SLC12A5: variants seen among roughly 807,000 people sequenced by gnomAD.
The protein encoded by SLC12A5 is K-Cl cotransporter 2.
In SLC12A5, 18 loss-of-function variants were observed where a neutral mutation model predicts 124.0. The observed-to-expected ratio is 0.15, with a 90% CI of 0.10 to 0.22. The LOEUF is 0.22. Among genes scored for constraint, SLC12A5 ranks in the 10% least tolerant of loss-of-function variants. SLC12A5 has a pLI of 1.00. For missense variants in SLC12A5, 867 were observed against 1,478.7 expected, an observed-to-expected ratio of 0.59 and a Z score of 6.78; for synonymous variants, 589 against 568.0, an observed-to-expected ratio of 1.04 and a Z score of -0.53.
chr20:46,023,094 C>T (rs2084369998), intron 2 of SLC12A5: 3 of 399,624 alleles, frequency 7.5e-6, no homozygotes. Context: ...CGAAGCAAAC[C>T]CAAGCGCCGA....
chr20:46,029,122 G>T (rs1033556640), upstream of SLC12A5: 1 of 1,359,262 alleles, frequency 7.4e-7, no homozygotes, highest in Non-Finnish European at 9.4e-7. Flanking sequence ...TCCTGCATAC[G>T]GGATGAGGTG....
rs551627835 is a variant in SLC12A5, at chr20:46,040,786, G to A, written c.854+172G>A. The A allele has an allele frequency of 1.8e-5, 19 of 1,054,384 alleles. No individual in the cohort carries two copies. The Admixed American group carries it at 2.1e-4, about 11-fold the overall frequency. The allele number at this position is 1,054,384 out of a possible 1,614,324, so 65.3% of individuals were successfully genotyped here. ...TCTTAGTTTGGGGGCAATCTCTTCA[G>A]AGTGAGGTAACTTTTCTGGAGGAGG... On this transcript the variant is annotated intron_variant, in intron 7 of 25. Coordinates refer to ENST00000243964, the MANE Select transcript of SLC12A5 (RefSeq NM_020708.5).
upstream of SLC12A5, chr20:46,021,821 C>A (rs747293767): frequency 6.5e-7 from 1 of 1,534,672 alleles, no homozygotes; most frequent in African/African-American, 1.4e-5. Context: ...GCCAGAAGCC[C>A]TGACCCAGAG....
chr20:46,022,556 G>C, intron 1 of SLC12A5, among the ~76,000 whole-genome samples: 1 of 152,056 alleles, frequency 6.6e-6, no homozygotes, highest in Non-Finnish European at 1.5e-5. Context: ...GGGGATCCCG[G>C]GAAGGAGACG....
chr20:46,036,931 C>A, intron 5 of SLC12A5, 136 bp downstream of exon 5: 1 of 1,178,650 alleles, frequency 8.5e-7, no homozygotes, highest in Non-Finnish European at 1.2e-6. Flanking sequence ...TGTTTTCAGC[C>A]CTATTGGGGG....
chr20:46,049,364 A>G (rs912320859), intron 16 of SLC12A5, among the ~76,000 whole-genome samples: 8 of 152,246 alleles, frequency 5.3e-5, no homozygotes, highest in Non-Finnish European at 1.2e-4. Flanking sequence ...TAATGCATGT[A>G]TCAGTAAAGA....
intron 16 of SLC12A5, 100 bp from the exon 17 acceptor site, chr20:46,049,522 T>C: frequency 7.0e-7 from 1 of 1,432,794 alleles, no homozygotes; most frequent in South Asian, 1.3e-5. Flanking sequence ...GGACAGATGG[T>C]TATAGAGGAG....
In SLC12A5 at chr20:46,045,899, A is replaced by T; in HGVS notation, c.1591A>T (p.Asn531Tyr). The T allele has an allele frequency of 6.2e-7, 1 of 1,614,166 alleles. No homozygotes were observed. Residue 531 changes from asparagine to tyrosine, a missense_variant, in exon 13 of 26, where the codon AAT (asparagine) becomes TAT (tyrosine). Physicochemically the swap from Asn to Tyr is moderately radical, Grantham distance 143. Transcript: ENST00000243964. The surrounding 1 kb of genome is among the most constrained non-coding windows in gnomAD (Gnocchi z 4.9). ...FLQVFGHGKA[N>Y]GEPTWALLLT... is the part of the protein sequence containing the mutation. Reference sequence around the variant, plus strand: ...CCAGGTCTTTGGCCATGGCAAGGCCAATGGAGAGCCGACCTGGGCCCTGCT... The same window carrying T: ...CCAGGTCTTTGGCCATGGCAAGGCCTATGGAGAGCCGACCTGGGCCCTGCT...
Position 46,056,257 on chromosome 20 carries a change from G to A in SLC12A5, c.2895G>A (p.Glu965=). ...VPEETAGDSE[E]KPEEEVQLIH... ...AAGAGACGGCTGGTGACAGTGAAGA[G>A]AAGCCAGAGGAGGAGGTGTGCAGCT... The change falls in exon 22 of 26, where the codon GAG becomes GAA. Residue 965 remains glutamate (E), a synonymous_variant. Coordinates refer to ENST00000243964, the MANE Select transcript of SLC12A5 (RefSeq NM_020708.5). This position sits in a 1 kb window ranked among gnomAD's most constrained non-coding sequence, Gnocchi z 4.3. 1 of 1,614,204 alleles carries A rather than the reference G, an allele frequency of 6.2e-7. No homozygotes were observed. Among genetic ancestry groups the A allele is most frequent in the Non-Finnish European group, 8.5e-7 (1 of 1,180,016 alleles).
chr20:46,053,600 G>A lies in SLC12A5; in HGVS notation c.2570G>A (p.Arg857His), dbSNP rs750336750. Residue 857 changes from arginine to histidine, a missense_variant, in exon 20 of 26, where the codon CGT (arginine) becomes CAT (histidine). Physicochemically the swap from Arg to His is conservative, Grantham distance 29. Around this residue, in one of 9 missense-constraint regions of SLC12A5, gnomAD observed 70 missense variants for 157.2 expected, o/e 0.45. Coordinates refer to ENST00000243964, the MANE Select transcript of SLC12A5 (RefSeq NM_020708.5). This position sits in a 1 kb window ranked among gnomAD's most constrained non-coding sequence, Gnocchi z 4.7. ...CAGGTCTGGCGGAAGTGCAAGATGC[G>A]TATCTTCACTGTGGCCCAGATGGAT... ...HHKVWRKCKM[R>H]IFTVAQMDDN... The A allele has an allele frequency of 4.3e-6, 7 of 1,613,832 alleles. No individual in the cohort carries two copies. The highest frequency in any genetic ancestry group is 1.7e-5 in the Admixed American group (1 of 60,002).
At chr20:46,026,997 G>C (rs754390116), upstream of SLC12A5, among the ~76,000 whole-genome samples, 4 of 152,198 alleles carry the variant, frequency 2.6e-5, no homozygotes, top group Non-Finnish European at 5.9e-5. Context: ...TAGGATTACT[G>C]AAAAACCTTA....
In SLC12A5 at chr20:46,053,835, C is replaced by A; in HGVS notation, c.2679+126C>A. The A allele has an allele frequency of 9.1e-7, 1 of 1,103,004 alleles. No homozygotes were observed. The allele number at this position is 1,103,004 out of a possible 1,614,324, so 68.3% of individuals were successfully genotyped here. Reference sequence around the variant, plus strand: ...TGGATCCTTTCCCCCTCATCCATCTCTTAGCCTCTCACATATTCAGCCATC... The same window carrying A: ...TGGATCCTTTCCCCCTCATCCATCTATTAGCCTCTCACATATTCAGCCATC... On this transcript the variant is annotated intron_variant, in intron 20 of 25. Transcript: ENST00000243964. This position sits in a 1 kb window ranked among gnomAD's most constrained non-coding sequence, Gnocchi z 4.7.
Position 46,056,418 on chromosome 20 carries a change from C to A in SLC12A5, c.2964C>A (p.Ser988=). The A allele has an allele frequency of 6.2e-7, 1 of 1,613,786 alleles. No individual in the cohort carries two copies. Among genetic ancestry groups the A allele is most frequent in the Non-Finnish European group, 8.5e-7 (1 of 1,179,822 alleles). ...CCAGCTGCCCCAGCAGCTCCCCGTCCCCAGGGGAGGAGCCTGAGGGGGAAG... is the reference window on the plus strand; with the variant it reads ...CCAGCTGCCCCAGCAGCTCCCCGTCACCAGGGGAGGAGCCTGAGGGGGAAG... The part of the protein sequence containing the change: ...SAPSCPSSSP[S]PGEEPEGEGE... Residue 988 remains serine, a synonymous_variant, in exon 23 of 26, where the codon TCC becomes TCA. Coordinates refer to ENST00000243964, the MANE Select transcript of SLC12A5 (RefSeq NM_020708.5). This position sits in a 1 kb window ranked among gnomAD's most constrained non-coding sequence, Gnocchi z 4.3.
In SLC12A5 at chr20:46,041,163, G is replaced by GAAA. The variant is rs11460894; in HGVS notation, c.855-154_855-152dup. On this transcript the variant is annotated intron_variant, in intron 7 of 25. Coordinates refer to ENST00000243964, the MANE Select transcript of SLC12A5 (RefSeq NM_020708.5). ...TATTAGAATCACTTGGGGAGCTTAAGAAAAAAAAAAAAAAGCCAATGGCCA... is the reference window on the plus strand; with the variant it reads ...TATTAGAATCACTTGGGGAGCTTAAGAAAAAAAAAAAAAAAAAGCCAATGGCCA... 5.7e-3 allele frequency: 2,843 copies of GAAA among 501,272 alleles called. 1 individual carries two copies. Among genetic ancestry groups the GAAA allele is most frequent in the Admixed American group, 0.012 (336 of 28,924 alleles). The allele number at this position is 501,272 out of a possible 1,614,324, so 31.1% of individuals were successfully genotyped here.
In SLC12A5 at chr20:46,057,983, G is replaced by A. The variant is rs2084712565; in HGVS notation, c.*378G>A. 1 of 191,486 alleles carries A rather than the reference G, an allele frequency of 5.2e-6. No homozygotes were observed. The highest frequency in any genetic ancestry group is 1.0e-5 in the Non-Finnish European group (1 of 95,246). The allele number at this position is 191,486 out of a possible 1,614,324, so 11.9% of individuals were successfully genotyped here. On this transcript the variant is annotated 3_prime_UTR_variant, in exon 26 of 26. Coordinates refer to ENST00000243964, the MANE Select transcript of SLC12A5 (RefSeq NM_020708.5). This position sits in a 1 kb window ranked among gnomAD's most constrained non-coding sequence, Gnocchi z 7.1. The stretch of plus-strand genomic sequence containing the variant: ...TTCCTCCCCTTCCCACTCCCGCCGC[G>A]GTCCTCGCTCTGCGCTCCTCCGGCG...
chr20:46,043,369 G>A (rs746881478), intron 9 of SLC12A5, 46 bp downstream of exon 9: 26 of 1,587,886 alleles, frequency 1.6e-5, no homozygotes, highest in Non-Finnish European at 2.2e-5. Flanking sequence ...TGAGTGGATG[G>A]GGAAGAGAGA....
At chr20:46,035,156 T>A in intron 2 of SLC12A5, 114 bp downstream of exon 2, 1 of 1,148,650 alleles carries the variant, frequency 8.7e-7, no homozygotes, top group South Asian at 1.4e-5. Flanking sequence ...CTCCCTTGAG[T>A]CTACCTTCTT....
Position 46,047,585 on chromosome 20 carries a change from G to C in SLC12A5, c.1907+12G>C. The stretch of plus-strand genomic sequence containing the variant: ...ATTGAGTACCGTGGGTGAGTGTGGG[G>C]AGTGGAGGTTGGGGTGGCTGGGGAA... On this transcript the variant is annotated intron_variant, in intron 15 of 25. Transcript: ENST00000243964. The C allele has an allele frequency of 6.2e-7, 1 of 1,611,816 alleles. No individual in the cohort carries two copies. The highest frequency in any genetic ancestry group is 8.5e-7 in the Non-Finnish European group (1 of 1,178,338).
chr20:46,050,851 C>G (rs895451276), intron 17 of SLC12A5, among the ~76,000 whole-genome samples: 1 of 152,186 alleles, frequency 6.6e-6, no homozygotes. Flanking sequence ...ACATCAGGGT[C>G]GTACAATGTG....
Sources: allele counts gnomAD v4.1 joint callset (sites outside exome capture counted in the v4.1 genomes callset), GRCh38; gene constraint gnomAD v4.1.1; regional missense constraint gnomAD v4.1.1; non-coding constraint Gnocchi (gnomAD v3.1); transcripts MANE v1.5; gene names NCBI Gene and HGNC (gene_info 2026-07-23, HGNC 2026-07-21).